Variants in GPHN observed in about 807,000 individuals in gnomAD.
GPHN encodes gephyrin.
In GPHN, 17 loss-of-function variants were observed where a neutral mutation model predicts 95.5. The ratio of observed to expected loss-of-function variants is 0.18; its 90% CI spans 0.12 to 0.27. The LOEUF is 0.27. Ranked by LOEUF, GPHN falls within the 10% of genes least tolerant of loss-of-function variation. The pLI, the probability that GPHN is intolerant of heterozygous loss-of-function variation, is 1.00. For synonymous variants in GPHN, 320 were observed against 322.5 expected (o/e 0.99, Z 0.08); for missense variants, 660 against 978.1 (o/e 0.67, Z 4.34).
chr14:66,646,478 C>CA (rs1369615983), intron 1 of GPHN, among the ~76,000 whole-genome samples: 4 of 151,826 alleles, frequency 2.6e-5, no homozygotes, highest in African/African-American at 9.7e-5. Flanking sequence ...GGTAGGGTCT[C>CA]AAAGAGATAC....
At chr14:67,164,962 G>A (rs920474142) in intron 19 of GPHN, among the ~76,000 whole-genome samples, 200 bp from the exon 20 acceptor site, 1 of 151,970 alleles carries the variant, frequency 6.6e-6, no homozygotes, top group African/African-American at 2.4e-5. Flanking sequence ...AGAAAGTGTG[G>A]TTACTTGAAA....
the GPHN span, among the ~76,000 whole-genome samples, chr14:67,347,047 C>A: frequency 1.3e-5 from 2 of 152,024 alleles, no homozygotes; most frequent in Non-Finnish European, 2.9e-5. Context: ...AGTGCAGTGG[C>A]GTGATCAGAA....
At chr14:66,704,142 C>T (rs1180444085) in intron 2 of GPHN, among the ~76,000 whole-genome samples, 1 of 151,992 alleles carries the variant, frequency 6.6e-6, no homozygotes, top group Admixed American at 6.6e-5. Flanking sequence ...TATATGCACC[C>T]AATACAGGTG....
At chr14:67,194,438 C>T in the GPHN span, among the ~76,000 whole-genome samples, 2 of 150,762 alleles carry the variant, frequency 1.3e-5, no homozygotes, top group Admixed American at 6.6e-5. Context: ...ATGAGGGGGG[C>T]GTGTGTGTGT....
chr14:66,708,032 A>T (rs182281662), intron 2 of GPHN, among the ~76,000 whole-genome samples: 1 of 152,150 alleles, frequency 6.6e-6, no homozygotes, highest in Non-Finnish European at 1.5e-5. Flanking sequence ...TTTGGTGCTC[A>T]ATTGATTGAA....
the GPHN span, chr14:67,203,222 C>A: frequency 6.2e-6 from 10 of 1,613,374 alleles, no homozygotes; most frequent in Non-Finnish European, 8.5e-6. Context: ...CACCTGGTGC[C>A]CAAAAAGATA....
intron 1 of GPHN, among the ~76,000 whole-genome samples, chr14:66,531,840 T>A (rs2058953290): frequency 6.6e-6 from 1 of 152,224 alleles, no homozygotes; most frequent in Non-Finnish European, 1.5e-5. Context: ...AAGTACTGTA[T>A]GACAGGGTTT....
At chr14:66,716,799 C>T (rs933530916) in intron 2 of GPHN, among the ~76,000 whole-genome samples, 1 of 152,128 alleles carries the variant, frequency 6.6e-6, no homozygotes, top group Non-Finnish European at 1.5e-5. Context: ...ATACAAACTT[C>T]TTGGCTGAGA....
intron 17 of GPHN, among the ~76,000 whole-genome samples, chr14:67,127,413 G>C (rs751629902): frequency 1.3e-4 from 20 of 152,242 alleles, no homozygotes; most frequent in Admixed American, 8.5e-4. Context: ...AATTGACCTA[G>C]ATTTATCATA....
Position 66,571,765 on chromosome 14 carries a change from C to G in GPHN, c.64+63174C>G, listed in dbSNP as rs561837485. On this transcript the variant is annotated intron_variant, in intron 1 of 22. Transcript: ENST00000478722. ...GTCGGAGCTTACAGTGAGCCGAGAT[C>G]GTGCCACTGCATTCTAGTCTGGGCA... Among the ~76,000 whole-genome samples, 43 of 152,150 alleles carry G rather than the reference C, an allele frequency of 2.8e-4. No individual in the cohort carries two copies. The Middle Eastern group carries it at 0.014, about 48-fold the overall frequency.
chr14:67,587,780 T>C, the GPHN span: 1 of 159,144 alleles, frequency 6.3e-6, no homozygotes. Flanking sequence ...ACTCCTGACC[T>C]CAGGTGATCT....
chr14:67,419,267 C>A, the GPHN span, among the ~76,000 whole-genome samples: 1 of 152,222 alleles, frequency 6.6e-6, no homozygotes, highest in Admixed American at 6.5e-5. Flanking sequence ...TCTGAGGACC[C>A]CCCAGCACAG....
intron 2 of GPHN, among the ~76,000 whole-genome samples, chr14:66,692,860 T>A (rs2067867506): frequency 6.6e-6 from 1 of 152,130 alleles, no homozygotes; most frequent in South Asian, 2.1e-4. Flanking sequence ...CTTGTTTGAA[T>A]TATAGTGTTA....
the GPHN span, among the ~76,000 whole-genome samples, chr14:67,345,092 A>T: frequency 1.3e-5 from 2 of 150,968 alleles, no homozygotes; most frequent in South Asian, 4.2e-4. Context: ...AAATACAAAA[A>T]TTAGCTAGGT....
At chr14:67,556,035 GA>G in the GPHN span, 141 of 1,072,800 alleles carry the variant, frequency 1.3e-4, 3 homozygotes, top group South Asian at 2.0e-3. Context: ...CTTTCTGTGG[GA>G]GTAGAGTCTC....
intron 2 of GPHN, among the ~76,000 whole-genome samples, chr14:66,726,498 G>C (rs1032292193): frequency 1.3e-5 from 2 of 152,232 alleles, no homozygotes; most frequent in East Asian, 1.9e-4. Context: ...GCATTTGCTA[G>C]AGCAGTCTTC....
At chr14:66,854,962 C>T (rs1412436148) in intron 4 of GPHN, among the ~76,000 whole-genome samples, 1 of 152,000 alleles carries the variant, frequency 6.6e-6, no homozygotes, top group African/African-American at 2.4e-5. Flanking sequence ...ATTCTCCTGC[C>T]TCAGCCTCCT....
chr14:66,745,363 A>T (rs1307821384), intron 2 of GPHN, among the ~76,000 whole-genome samples: 1 of 152,040 alleles, frequency 6.6e-6, no homozygotes, highest in Non-Finnish European at 1.5e-5. Flanking sequence ...ATACTTCAGC[A>T]TGTTTCCCTA....
chr14:67,319,378 T>C, the GPHN span, among the ~76,000 whole-genome samples: 2 of 152,218 alleles, frequency 1.3e-5, no homozygotes, highest in Admixed American at 1.3e-4. Flanking sequence ...TTAGGAATGT[T>C]ACCCCACCTG....
Sources: gnomAD v4.1 joint callset for allele counts (sites outside exome capture counted in the v4.1 genomes callset) on GRCh38, gnomAD v4.1.1 for gene constraint, MANE v1.5 for transcripts, NCBI Gene and HGNC (gene_info 2026-07-23, HGNC 2026-07-21) for gene names.